Variants in SEMA3D observed in about 807,000 individuals in gnomAD.
The protein encoded by SEMA3D is semaphorin-3D.
A neutral mutation model predicts 100.1 loss-of-function variants in SEMA3D; 84 were observed. That is an observed-to-expected ratio of 0.84 (90% confidence interval 0.70 to 1.01). The LOEUF is 1.01. SEMA3D is among the 50% of genes least tolerant of loss of function. The pLI, the probability that SEMA3D is intolerant of heterozygous loss-of-function variation, is 0.00. For synonymous variants in SEMA3D, 312 were observed against 320.7 expected, an observed-to-expected ratio of 0.97 and a Z score of 0.29; for missense variants, 875 against 934.1, an observed-to-expected ratio of 0.94 and a Z score of 0.82.
chr7:85,050,961 A>G (rs895655516), intron 9 of SEMA3D, among the ~76,000 whole-genome samples: 6 of 151,870 alleles, frequency 4.0e-5, no homozygotes, highest in African/African-American at 1.4e-4. Flanking sequence ...GTGCACATGC[A>G]TGTGTGCATA....
At chr7:85,155,259 A>G (rs533064402) in intron 1 of SEMA3D, among the ~76,000 whole-genome samples, 3 of 152,258 alleles carry the variant, frequency 2.0e-5, no homozygotes, top group African/African-American at 7.2e-5. Context: ...ACACTCTACC[A>G]GAATAAAAAT....
At chr7:85,181,396 A>T (rs921015278) in intron 1 of SEMA3D, among the ~76,000 whole-genome samples, 2 of 151,868 alleles carry the variant, frequency 1.3e-5, no homozygotes, top group African/African-American at 2.4e-5. Context: ...AAGACAGAGG[A>T]GCCAATTGAA....
At chr7:85,124,117 C>T (rs116163278) in intron 2 of SEMA3D, among the ~76,000 whole-genome samples, 8 of 151,834 alleles carry the variant, frequency 5.3e-5, no homozygotes, top group African/African-American at 1.7e-4. Flanking sequence ...AATGCCATTG[C>T]CACAAAACAG....
the SEMA3D span, among the ~76,000 whole-genome samples, chr7:85,219,250 A>G: frequency 6.6e-6 from 1 of 152,058 alleles, no homozygotes; most frequent in Admixed American, 6.6e-5. Context: ...AAAAGTAAAG[A>G]AAAAGAAATA....
intron 16 of SEMA3D, 84 bp from the exon 17 acceptor site, chr7:85,012,930 G>A: frequency 1.0e-6 from 1 of 984,684 alleles, no homozygotes. Flanking sequence ...TAATAACAGT[G>A]GCAGATGCAG....
intron 12 of SEMA3D, among the ~76,000 whole-genome samples, chr7:85,029,871 T>C (rs972567740): frequency 2.0e-5 from 3 of 152,062 alleles, no homozygotes; most frequent in Non-Finnish European, 2.9e-5. Context: ...TTGCACTTTA[T>C]AAACATTGTA....
rs189701810 is a variant in SEMA3D at position 85,167,711 on chromosome 7, C to G, written c.-172-13972G>C. On this transcript the variant is annotated intron_variant, in intron 1 of 18. Coordinates refer to ENST00000284136, the MANE Select transcript of SEMA3D (RefSeq NM_001384900.1). ...ATTCCAGGAAGGATGGAATTTCCCT[C>G]TACAGGAAAATATCTACAACTGAAA... Among the ~76,000 whole-genome samples, 631 of 151,790 alleles carry G rather than the reference C, an allele frequency of 4.2e-3. 3 individuals carry two copies. Among genetic ancestry groups the G allele is most frequent in the Non-Finnish European group, 7.0e-3 (476 of 67,790 alleles).
intron 4 of SEMA3D, among the ~76,000 whole-genome samples, chr7:85,093,117 T>C (rs878999257): frequency 6.6e-6 from 1 of 152,162 alleles, no homozygotes; most frequent in Admixed American, 6.5e-5. Flanking sequence ...TTGGGTTACC[T>C]TTGTTAAATT....
intron 3 of SEMA3D, among the ~76,000 whole-genome samples, chr7:85,109,777 T>C (rs17561679): frequency 0.23 from 34,382 of 151,816 alleles, 3,947 homozygotes; most frequent in African/African-American, 0.24. Flanking sequence ...AAAATCTCAC[T>C]GTGAAAATTC....
intron 7 of SEMA3D, among the ~76,000 whole-genome samples, chr7:85,066,517 G>A (rs1219240572): frequency 6.6e-6 from 1 of 151,916 alleles, no homozygotes; most frequent in Non-Finnish European, 1.5e-5. Flanking sequence ...GGAAGGGGTG[G>A]GGCGGAGGGG....
At chr7:85,045,872 T>TA (rs1357666629) in intron 9 of SEMA3D, among the ~76,000 whole-genome samples, 9 of 151,962 alleles carry the variant, frequency 5.9e-5, no homozygotes, top group Admixed American at 5.9e-4. Flanking sequence ...TACATTTTTT[T>TA]ATCAGCTTTC....
chr7:85,081,574 A>T lies in SEMA3D; in HGVS notation c.318T>A (p.Tyr106Ter). ...VDLNKNFKKIYWPAAKERVEL... is the reference protein window; with the variant it reads ...VDLNKNFKKI ...CCACCCGTTCCTTTGCAGCAGGCCA[A>T]TAAATCTGCAAAACATTTCAAAGTA... The change falls in exon 5 of 19, where the codon TAT becomes TAA. Residue 106 changes from tyrosine to a stop codon, truncating the protein, a stop_gained. Transcript: ENST00000284136. LOFTEE classifies it high-confidence loss of function. 1.2e-6 allele frequency: 2 copies of T among 1,609,572 alleles called. No homozygotes were observed. Among genetic ancestry groups the T allele is most frequent in the Non-Finnish European group, 1.7e-6 (2 of 1,176,138 alleles).
chr7:85,188,546 C>A (rs1299977151), upstream of SEMA3D, among the ~76,000 whole-genome samples: 1 of 152,172 alleles, frequency 6.6e-6, no homozygotes, highest in Non-Finnish European at 1.5e-5. Flanking sequence ...CACTTCCATG[C>A]AAATTGCAAT....
At chr7:85,075,886 C>T (rs928991952) in intron 5 of SEMA3D, among the ~76,000 whole-genome samples, 1 of 152,320 alleles carries the variant, frequency 6.6e-6, no homozygotes, top group Admixed American at 6.5e-5. Context: ...CAACTCATAA[C>T]TTCATTTTTT....
chr7:85,240,871 A>G, the SEMA3D span, among the ~76,000 whole-genome samples: 8 of 151,970 alleles, frequency 5.3e-5, no homozygotes, highest in African/African-American at 1.7e-4. Flanking sequence ...AATTTGTGTC[A>G]TCTTTCCAAC....
intron 4 of SEMA3D, among the ~76,000 whole-genome samples, chr7:85,086,295 T>A (rs1788211473): frequency 6.6e-6 from 1 of 152,094 alleles, no homozygotes; most frequent in Non-Finnish European, 1.5e-5. Context: ...TGATTTGTGG[T>A]GGATTTTTTT....
At chr7:85,108,950 G>T (rs764878636) in intron 3 of SEMA3D, among the ~76,000 whole-genome samples, 4 of 150,786 alleles carry the variant, frequency 2.7e-5, no homozygotes, top group Non-Finnish European at 4.4e-5. Context: ...GAAAAAAAAA[G>T]GTGTCAAGAT....
the SEMA3D span, among the ~76,000 whole-genome samples, chr7:85,233,279 T>C: frequency 6.6e-6 from 1 of 152,154 alleles, no homozygotes; most frequent in Non-Finnish European, 1.5e-5. Flanking sequence ...AAAAGTCAAT[T>C]TAAGAAACAG....
intron 4 of SEMA3D, among the ~76,000 whole-genome samples, chr7:85,089,061 G>A (rs532335983): frequency 1.2e-4 from 19 of 152,228 alleles, no homozygotes; most frequent in African/African-American, 3.9e-4. Context: ...TAAATGCAGT[G>A]CAATCAGAAC....
Sources: gnomAD v4.1 joint callset for allele counts (sites outside exome capture counted in the v4.1 genomes callset) on GRCh38, gnomAD v4.1.1 for gene constraint, MANE v1.5 for transcripts, NCBI Gene and HGNC (gene_info 2026-07-23, HGNC 2026-07-21) for gene names.